TFDP2: variants seen among roughly 807,000 people sequenced by gnomAD.
The protein encoded by TFDP2 is transcription factor Dp-2.
TFDP2 carries 17 observed loss-of-function variants against 59.3 expected under a neutral mutation model. That is an observed-to-expected ratio of 0.29 (90% CI 0.20 to 0.43). TFDP2 has a LOEUF of 0.43. Among genes scored for constraint, TFDP2 ranks in the 20% least tolerant of loss-of-function variants. The probability of loss-of-function intolerance (pLI) is 1.00; values close to 1 mark genes in which losing one functional copy is unlikely to be tolerated. For synonymous variants in TFDP2, 180 were observed against 194.7 expected (o/e 0.92, Z 0.63); for missense variants, 391 against 528.8 (o/e 0.74, Z 2.56).
intron 3 of TFDP2, among the ~76,000 whole-genome samples, chr3:142,064,203 C>T (rs544469298): frequency 1.4e-4 from 21 of 152,282 alleles, no homozygotes; most frequent in Middle Eastern, 6.8e-3. Flanking sequence ...CTGTCCACCT[C>T]GGCCTCCCAA....
chr3:142,042,771 G>A (rs1324305020), intron 3 of TFDP2, among the ~76,000 whole-genome samples: 2 of 91,628 alleles, frequency 2.2e-5, no homozygotes, highest in African/African-American at 4.9e-5. Context: ...ACGGAGTTTC[G>A]CTTTTTTGCC....
chr3:142,112,811 A>C (rs948603082), intron 1 of TFDP2, among the ~76,000 whole-genome samples: 1 of 152,196 alleles, frequency 6.6e-6, no homozygotes, highest in Non-Finnish European at 1.5e-5. Flanking sequence ...ACGTGCCACC[A>C]CACCCAGCCA....
intron 1 of TFDP2, among the ~76,000 whole-genome samples, chr3:142,131,402 A>G (rs2062497299): frequency 6.7e-6 from 1 of 150,312 alleles, no homozygotes; most frequent in Non-Finnish European, 1.5e-5. Context: ...ATAAAGAGAC[A>G]AAAACTGAAA....
chr3:142,004,094 T>C (rs1944033722), intron 4 of TFDP2, among the ~76,000 whole-genome samples: 1 of 152,176 alleles, frequency 6.6e-6, no homozygotes, highest in African/African-American at 2.4e-5. Context: ...GGGCAAATGC[T>C]TAGCAAATGT....
intron 6 of TFDP2, among the ~76,000 whole-genome samples, chr3:141,988,731 C>G (rs969179150): frequency 2.9e-5 from 4 of 135,838 alleles, no homozygotes; most frequent in Non-Finnish European, 6.1e-5. Context: ...TGCAGTGGTG[C>G]AATCTCAGCT....
At chr3:142,090,494 T>A (rs185411461) in intron 3 of TFDP2, among the ~76,000 whole-genome samples, 12 of 152,244 alleles carry the variant, frequency 7.9e-5, no homozygotes, top group African/African-American at 2.9e-4. Flanking sequence ...AGACAATCTT[T>A]CTCACCTAAA....
At chr3:142,039,557 G>T (rs1946857522) in intron 3 of TFDP2, among the ~76,000 whole-genome samples, 1 of 152,096 alleles carries the variant, frequency 6.6e-6, no homozygotes, top group South Asian at 2.1e-4. Flanking sequence ...CTTGTTTCTG[G>T]GAGAGCAGGA....
At chr3:142,093,689 T>C (rs2061072116) in intron 2 of TFDP2, among the ~76,000 whole-genome samples, 1 of 152,148 alleles carries the variant, frequency 6.6e-6, no homozygotes, top group Non-Finnish European at 1.5e-5. Flanking sequence ...TACTATGACA[T>C]GTGAGGAATC....
At chr3:142,080,113 G>A (rs1012164319) in intron 3 of TFDP2, among the ~76,000 whole-genome samples, 38 of 152,034 alleles carry the variant, frequency 2.5e-4, no homozygotes, top group African/African-American at 8.0e-4. Flanking sequence ...ACAGATGCAC[G>A]CTACCATGCC....
intron 3 of TFDP2, among the ~76,000 whole-genome samples, chr3:142,045,768 A>C: frequency 1.3e-5 from 2 of 150,334 alleles, no homozygotes; most frequent in Non-Finnish European, 1.5e-5. Context: ...AAATGCCACC[A>C]TGCCTGGCTA....
At chr3:141,964,053 A>T in intron 9 of TFDP2, 90 bp from the exon 10 acceptor site, 1 of 1,264,738 alleles carries the variant, frequency 7.9e-7, no homozygotes, top group South Asian at 1.6e-5. Context: ...AATATAGTTT[A>T]AAATTAGAGT....
intron 9 of TFDP2, 74 bp downstream of exon 9, chr3:141,969,999 A>T: frequency 6.9e-7 from 1 of 1,445,500 alleles, no homozygotes; most frequent in Middle Eastern, 1.7e-4. Context: ...CACCACAATT[A>T]GAAAACACAC....
Position 141,974,100 on chromosome 3 carries a change from A to T in TFDP2, c.611T>A (p.Ile204Asn). The change falls in exon 8 of 13, where the codon ATC becomes AAC. Residue 204 changes from isoleucine (I) to asparagine (N), a missense_variant. By Grantham distance (149) the Ile-to-Asn change is moderately radical (BLOSUM62 -3). Around this residue, in one of 3 missense-constraint regions of TFDP2, gnomAD observed 223 missense variants for 292.5 expected, o/e 0.76. Transcript: ENST00000489671. ...ATTGGTAGGCAGGCCAATCCACTTG[A>T]TTTCTTTTTTTTCCTTTGAAATTAT... The part of the protein sequence containing the change: ...MNIISKEKKE[I>N]KWIGLPTNSA... The T allele has an allele frequency of 6.2e-7, 1 of 1,613,038 alleles. No homozygotes were observed. The highest frequency in any genetic ancestry group is 8.5e-7 in the Non-Finnish European group (1 of 1,179,622).
chr3:142,088,771 C>G (rs1283613713), intron 3 of TFDP2, among the ~76,000 whole-genome samples: 1 of 151,782 alleles, frequency 6.6e-6, no homozygotes, highest in Non-Finnish European at 1.5e-5. Flanking sequence ...CTACTGTGCC[C>G]AGACCAGCTA....
At chr3:142,054,288 T>C (rs1299707819) in intron 3 of TFDP2, 1 of 152,204 alleles carries the variant, frequency 6.6e-6, no homozygotes, top group Non-Finnish European at 1.5e-5. Context: ...TGGTATATCA[T>C]ATAATAGAAT....
At chr3:142,067,922 T>C (rs940925801) in intron 3 of TFDP2, among the ~76,000 whole-genome samples, 13 of 150,988 alleles carry the variant, frequency 8.6e-5, no homozygotes, top group Non-Finnish European at 1.9e-4. Context: ...GGAGATTACC[T>C]GAGCCCAGGA....
At chr3:141,997,341 C>A (rs1353400130) in intron 4 of TFDP2, among the ~76,000 whole-genome samples, 1 of 152,156 alleles carries the variant, frequency 6.6e-6, no homozygotes, top group Non-Finnish European at 1.5e-5. Context: ...ACATCACATT[C>A]TCTATCATGC....
At chr3:141,973,123 ATTT>A (rs761950988) in intron 8 of TFDP2, among the ~76,000 whole-genome samples, 10 of 58,026 alleles carry the variant, frequency 1.7e-4, no homozygotes, top group African/African-American at 5.9e-4. Context: ...ATATATATAT[ATTT>A]TTTTTTTTTA....
intron 4 of TFDP2, among the ~76,000 whole-genome samples, chr3:141,996,433 G>A (rs1018568860): frequency 2.6e-5 from 4 of 152,136 alleles, no homozygotes; most frequent in Non-Finnish European, 5.9e-5. Context: ...AACTGAGAAT[G>A]AAAAATATCT....
Sources: gnomAD v4.1 joint callset for allele counts (sites outside exome capture counted in the v4.1 genomes callset) on GRCh38, gnomAD v4.1.1 for gene constraint, gnomAD v4.1.1 regional missense constraint, MANE v1.5 for transcripts, NCBI Gene and HGNC (gene_info 2026-07-23, HGNC 2026-07-21) for gene names.